Variants in COPG2 observed in about 807,000 individuals in gnomAD.
COPG2 encodes the protein coat protein complex I subunit gamma 2, also known as coatomer subunit gamma-2.
A neutral mutation model predicts 46.3 loss-of-function variants in COPG2; 37 were observed. The ratio of observed to expected loss-of-function variants is 0.80; its 90% CI spans 0.61 to 1.05. The LOEUF (loss-of-function observed/expected upper bound fraction) is 1.05. Among genes scored for constraint, COPG2 ranks in the 50% least tolerant of loss-of-function variants. The pLI, the probability that COPG2 is intolerant of heterozygous loss-of-function variation, is 0.00. For missense variants in COPG2, 427 were observed against 387.8 expected, an observed-to-expected ratio of 1.10 and a Z score of -0.85; for synonymous variants, 159 against 129.7, an observed-to-expected ratio of 1.23 and a Z score of -1.53.
intron 20 of COPG2, among the ~76,000 whole-genome samples, chr7:130,542,704 TGGCAGCCATTCTAA>T (rs1793356443): frequency 1.3e-5 from 2 of 152,186 alleles, no homozygotes; most frequent in Admixed American, 6.5e-5. Flanking sequence ...TGAGAGAGTC[TGGCAGCCATTCTAA>T]GGCAGTTATT....
intron 20 of COPG2, among the ~76,000 whole-genome samples, chr7:130,524,326 T>A (rs1335934458): frequency 6.6e-6 from 1 of 151,842 alleles, no homozygotes; most frequent in African/African-American, 2.4e-5. Flanking sequence ...AGTGGGAGAA[T>A]CACAGATTGT....
intron 9 of COPG2, chr7:130,605,577 G>A (rs1169572148): frequency 2.6e-6 from 1 of 390,306 alleles, no homozygotes; most frequent in Non-Finnish European, 5.1e-6. Context: ...CTCAAAGAGA[G>A]GCCTTTAGTT....
chr7:130,636,108 G>A (rs930950021), intron 5 of COPG2, among the ~76,000 whole-genome samples: 2 of 152,164 alleles, frequency 1.3e-5, no homozygotes, highest in Non-Finnish European at 2.9e-5. Context: ...TTGCTGAGGA[G>A]TGTTTTACTT....
At chr7:130,590,565 G>C (rs1794380878) in intron 9 of COPG2, among the ~76,000 whole-genome samples, 1 of 152,014 alleles carries the variant, frequency 6.6e-6, no homozygotes, top group African/African-American at 2.4e-5. Flanking sequence ...GTGCTCAATG[G>C]TGCCCAGGCT....
chr7:130,613,285 G>A (rs559212898), intron 7 of COPG2, among the ~76,000 whole-genome samples: 125 of 152,228 alleles, frequency 8.2e-4, no homozygotes, highest in African/African-American at 3.0e-3. Flanking sequence ...GGCAGGAGGC[G>A]GAGCTCAGGC....
At chr7:130,526,658 T>C (rs976588474) in intron 20 of COPG2, among the ~76,000 whole-genome samples, 7 of 151,286 alleles carry the variant, frequency 4.6e-5, no homozygotes, top group South Asian at 2.1e-4. Context: ...ACAAAGGAAT[T>C]TGGAGTGCTC....
intron 20 of COPG2, among the ~76,000 whole-genome samples, chr7:130,537,196 A>G (rs1016789528): frequency 5.1e-4 from 78 of 152,242 alleles, no homozygotes; most frequent in Middle Eastern, 3.4e-3. Flanking sequence ...GAGGCTCCCC[A>G]GAGTGTTTTT....
chr7:130,544,656 T>C (rs1004954572), intron 20 of COPG2, among the ~76,000 whole-genome samples: 1 of 152,100 alleles, frequency 6.6e-6, no homozygotes, highest in Admixed American at 6.5e-5. Flanking sequence ...TGGGGAATAA[T>C]TGGTAGAATG....
intron 20 of COPG2, among the ~76,000 whole-genome samples, chr7:130,515,887 G>A (rs1799674247): frequency 1.3e-5 from 2 of 152,010 alleles, no homozygotes; most frequent in African/African-American, 4.8e-5. Flanking sequence ...TGTTAATCCA[G>A]TCACAGCCAC....
In COPG2 at chr7:130,507,392, G is replaced by GA; in HGVS notation, c.2387-21dup. 1.3e-6 allele frequency: 1 copy of GA among 780,486 alleles called. No homozygotes were observed. Among genetic ancestry groups the GA allele is most frequent in the Non-Finnish European group, 2.4e-6 (1 of 417,770 alleles). 48.3% of individuals were successfully genotyped at this position (780,486 alleles called of 1,614,324 possible). A position where few individuals can be genotyped will look rare whatever the true frequency, so the allele number is the denominator to read the frequency against. ...CAGCCTCTGTGTTGAGAAGATGTAT[G>GA]AGACAGTATTAGGAAAGTAAAGCAC... On this transcript the variant is annotated intron_variant, in intron 22 of 23. Transcript: ENST00000425248.
At chr7:130,643,656 A>G (rs1554457654) in intron 5 of COPG2, among the ~76,000 whole-genome samples, 1 of 152,106 alleles carries the variant, frequency 6.6e-6, no homozygotes, top group African/African-American at 2.4e-5. Flanking sequence ...ATAAACACAG[A>G]CTTTTAAGAA....
intron 9 of COPG2, among the ~76,000 whole-genome samples, chr7:130,593,280 A>G (rs967880703): frequency 6.6e-6 from 1 of 152,240 alleles, no homozygotes; most frequent in Non-Finnish European, 1.5e-5. Context: ...AAATAGCCCT[A>G]AAGTCCCAAT....
intron 5 of COPG2, among the ~76,000 whole-genome samples, chr7:130,634,757 G>C (rs1795302812): frequency 6.6e-6 from 1 of 152,090 alleles, no homozygotes; most frequent in Non-Finnish European, 1.5e-5. Flanking sequence ...TTGAATAGGA[G>C]TGGTGAGAGA....
chr7:130,662,312 CAT>C (rs1795995452), intron 4 of COPG2, among the ~76,000 whole-genome samples: 3 of 152,124 alleles, frequency 2.0e-5, no homozygotes, highest in South Asian at 2.1e-4. Flanking sequence ...CAAAATGTGA[CAT>C]GTGATGATAT....
At chr7:130,529,166 A>C (rs1208920634) in intron 20 of COPG2, among the ~76,000 whole-genome samples, 1 of 152,176 alleles carries the variant, frequency 6.6e-6, no homozygotes, top group Non-Finnish European at 1.5e-5. Context: ...CCAATGCTGC[A>C]TATTGTGGAT....
intron 9 of COPG2, among the ~76,000 whole-genome samples, chr7:130,600,573 T>A (rs1794617210): frequency 6.6e-6 from 1 of 152,174 alleles, no homozygotes; most frequent in Non-Finnish European, 1.5e-5. Flanking sequence ...CATTTTGTCA[T>A]TTTTAGTGCA....
chr7:130,560,879 G>T (rs1793708138), intron 12 of COPG2, among the ~76,000 whole-genome samples, 154 bp downstream of exon 12: 1 of 152,040 alleles, frequency 6.6e-6, no homozygotes, highest in Non-Finnish European at 1.5e-5. Flanking sequence ...GTAGATAAAG[G>T]TTTCTTAGGG....
intron 20 of COPG2, among the ~76,000 whole-genome samples, chr7:130,536,122 G>A (rs1799877256): frequency 6.6e-6 from 1 of 152,082 alleles, no homozygotes; most frequent in Admixed American, 6.6e-5. Context: ...GGGGTGTGGA[G>A]GTGTCAGAAG....
At chr7:130,631,618 A>G (rs1287415506) in intron 5 of COPG2, among the ~76,000 whole-genome samples, 1 of 152,200 alleles carries the variant, frequency 6.6e-6, no homozygotes, top group Non-Finnish European at 1.5e-5. Flanking sequence ...GATTTTCTTC[A>G]AGTGCTAAAA....
Sources: gnomAD v4.1 joint callset for allele counts (sites outside exome capture counted in the v4.1 genomes callset) on GRCh38, gnomAD v4.1.1 for gene constraint, MANE v1.5 for transcripts, NCBI Gene and HGNC (gene_info 2026-07-23, HGNC 2026-07-21) for gene names.